PRKN: variants seen among roughly 807,000 people sequenced by gnomAD.
PRKN encodes the protein parkin RBR E3 ubiquitin protein ligase, also known as E3 ubiquitin-protein ligase parkin.
In PRKN, 56 loss-of-function variants were observed where a neutral mutation model predicts 59.5. The ratio of observed to expected loss-of-function variants is 0.94; its 90% CI spans 0.76 to 1.18. PRKN has a LOEUF of 1.18. PRKN is among the 50% of genes most tolerant of loss of function. The pLI is 0.00. For missense variants in PRKN, 657 were observed against 596.4 expected (o/e 1.10, Z -1.06); for synonymous variants, 250 against 222.1 (o/e 1.13, Z -1.12).
At position 161,588,577 on chromosome 6, in the gene PRKN, A is replaced by G. The variant is rs1248152570; in HGVS notation, c.872-19161T>C. On this transcript the variant is annotated intron_variant, in intron 7 of 11. Coordinates refer to ENST00000366898, the MANE Select transcript of PRKN (RefSeq NM_004562.3). This position sits in a 1 kb window ranked among gnomAD's most constrained non-coding sequence, Gnocchi z 5.0. ...AAGGGAAAGTGATGGCAATAAAAGT[A>G]AGGGCAAACTGGGAGGTGGGGCTGG... is the stretch of plus-strand genomic sequence containing the variant. Among the ~76,000 whole-genome samples, 1 of 152,058 alleles carries G rather than the reference A, an allele frequency of 6.6e-6. No individual in the cohort carries two copies. Among genetic ancestry groups the G allele is most frequent in the East Asian group, 1.9e-4 (1 of 5,170 alleles).
intron 7 of PRKN, among the ~76,000 whole-genome samples, chr6:161,628,423 CT>C (rs1481456788): frequency 6.6e-6 from 1 of 152,160 alleles, no homozygotes; most frequent in Non-Finnish European, 1.5e-5. Flanking sequence ...TCTGAGTTCC[CT>C]TTTATAAGAA....
intron 1 of PRKN, among the ~76,000 whole-genome samples, chr6:162,446,672 T>C (rs1175949890): frequency 6.6e-6 from 1 of 152,126 alleles, no homozygotes; most frequent in Non-Finnish European, 1.5e-5. Flanking sequence ...AACTAAAACA[T>C]TCGCATGAAT....
At chr6:162,571,603 A>T (rs1214339270) in intron 1 of PRKN, among the ~76,000 whole-genome samples, 1 of 152,144 alleles carries the variant, frequency 6.6e-6, no homozygotes. Context: ...TGACTTCCCC[A>T]CACGAGAAAA....
rs915204776 is a variant in PRKN at position 161,588,539 on chromosome 6, G to C, written c.872-19123C>G. Among the ~76,000 whole-genome samples the C allele has an allele frequency of 6.6e-6, 1 of 151,876 alleles. No homozygotes were observed. The highest frequency in any genetic ancestry group is 1.5e-5 in the Non-Finnish European group (1 of 67,996). ...TGTTGCTCTTGCTTTTTTTAATGAA[G>C]GGAAGACTGGAAAAGGGAAAGTGAT... On this transcript the variant is annotated intron_variant, in intron 7 of 11. Transcript: ENST00000366898. This position sits in a 1 kb window ranked among gnomAD's most constrained non-coding sequence, Gnocchi z 5.0.
intron 10 of PRKN, among the ~76,000 whole-genome samples, chr6:161,375,003 T>C (rs1785632208): frequency 6.6e-6 from 1 of 152,152 alleles, no homozygotes; most frequent in South Asian, 2.1e-4. Flanking sequence ...GGCAGGCATC[T>C]GGTGGAGGCT....
intron 1 of PRKN, among the ~76,000 whole-genome samples, chr6:162,532,144 G>T (rs1778540014): frequency 1.7e-5 from 1 of 57,776 alleles, no homozygotes; most frequent in South Asian, 6.2e-4. Context: ...TGTTTTTAAG[G>T]TATCTCCCCC....
At chr6:161,892,856 T>C (rs1583307829) in intron 6 of PRKN, among the ~76,000 whole-genome samples, 2 of 152,384 alleles carry the variant, frequency 1.3e-5, no homozygotes, top group East Asian at 3.9e-4. Flanking sequence ...ATTTAGTTGT[T>C]TTATGAGACG....
chr6:162,136,459 A>C (rs1173076181), intron 4 of PRKN, among the ~76,000 whole-genome samples: 1 of 152,216 alleles, frequency 6.6e-6, no homozygotes, highest in Non-Finnish European at 1.5e-5. Flanking sequence ...GGTGCAAATA[A>C]TACACTGCTA....
chr6:161,968,884 A>G (rs1032553634), intron 6 of PRKN, among the ~76,000 whole-genome samples: 1 of 152,232 alleles, frequency 6.6e-6, no homozygotes, highest in African/African-American at 2.4e-5. Flanking sequence ...TGAGAAAGCA[A>G]TTGCTGAAAC....
At chr6:161,465,169 T>G (rs752049086) in intron 9 of PRKN, among the ~76,000 whole-genome samples, 3 of 152,228 alleles carry the variant, frequency 2.0e-5, no homozygotes, top group Non-Finnish European at 2.9e-5. Flanking sequence ...ATGCAGGACC[T>G]GCTTTAGGCC....
intron 6 of PRKN, among the ~76,000 whole-genome samples, chr6:161,851,861 C>A (rs1041126940): frequency 6.6e-6 from 1 of 151,080 alleles, no homozygotes; most frequent in African/African-American, 2.4e-5. Context: ...CCGAGGCGGG[C>A]GGATCACCTG....
At position 161,401,996 on chromosome 6, in the gene PRKN, T is replaced by C. The variant is rs1562422827; in HGVS notation, c.1084-15119A>G. ...TTCCCAGCTTGGGGCTGGGTAATAATGGTGAGAGCATTTCCCACATTATCC... is the reference window on the plus strand; with the variant it reads ...TTCCCAGCTTGGGGCTGGGTAATAACGGTGAGAGCATTTCCCACATTATCC... On this transcript the variant is annotated intron_variant, in intron 9 of 11. Transcript: ENST00000366898. This position sits in a 1 kb window ranked among gnomAD's most constrained non-coding sequence, Gnocchi z 4.4. Among the ~76,000 whole-genome samples, 1 of 152,204 alleles carries C rather than the reference T, an allele frequency of 6.6e-6. No individual in the cohort carries two copies. The highest frequency in any genetic ancestry group is 1.5e-5 in the Non-Finnish European group (1 of 68,040).
rs755318378 is a variant in PRKN at position 161,503,599 on chromosome 6, C to T, written c.1083+45255G>A. 6.6e-6 allele frequency among the ~76,000 whole-genome samples: 1 copy of T among 152,132 alleles called. No individual in the cohort carries two copies. Among genetic ancestry groups the T allele is most frequent in the Non-Finnish European group, 1.5e-5 (1 of 68,006 alleles). ...GAGGTGAGGGACTGGACTGAGGGGG[C>T]TATGGGGGCGACCTAGTCTAGCTGG... On this transcript the variant is annotated intron_variant, in intron 9 of 11. Transcript: ENST00000366898. This position sits in a 1 kb window ranked among gnomAD's most constrained non-coding sequence, Gnocchi z 5.1.
intron 6 of PRKN, among the ~76,000 whole-genome samples, chr6:161,857,100 G>A (rs9355361): frequency 0.5 from 75,579 of 151,654 alleles, 19,073 homozygotes; most frequent in East Asian, 0.76. Context: ...ATGATGGTGG[G>A]TGCCTGTAAT....
At chr6:162,258,118 C>T (rs1253485750) in intron 3 of PRKN, among the ~76,000 whole-genome samples, 2 of 152,172 alleles carry the variant, frequency 1.3e-5, no homozygotes, top group East Asian at 1.9e-4. Flanking sequence ...CACAGTTTAG[C>T]TCATCACACA....
At chr6:161,995,269 A>G (rs1350222893) in intron 5 of PRKN, among the ~76,000 whole-genome samples, 2 of 152,174 alleles carry the variant, frequency 1.3e-5, no homozygotes, top group South Asian at 4.1e-4. Context: ...CTATATGCAA[A>G]AATCAAGGCA....
intron 6 of PRKN, among the ~76,000 whole-genome samples, chr6:161,860,398 A>G (rs908457965): frequency 2.6e-5 from 4 of 152,222 alleles, no homozygotes; most frequent in African/African-American, 9.6e-5. Context: ...ACTTGGTGAT[A>G]AAGGACTTGA....
At chr6:161,902,948 A>G (rs1316588723) in intron 6 of PRKN, among the ~76,000 whole-genome samples, 3 of 152,174 alleles carry the variant, frequency 2.0e-5, no homozygotes, top group Non-Finnish European at 4.4e-5. Flanking sequence ...GCTCTCAGAA[A>G]GTTGTGTGCT....
intron 6 of PRKN, among the ~76,000 whole-genome samples, chr6:161,919,725 A>G (rs1181393184): frequency 6.6e-6 from 1 of 152,244 alleles, no homozygotes; most frequent in Non-Finnish European, 1.5e-5. Context: ...GACATGCCAC[A>G]GAGCAAATGC....
Sources: allele counts gnomAD v4.1 joint callset (sites outside exome capture counted in the v4.1 genomes callset), GRCh38; gene constraint gnomAD v4.1.1; non-coding constraint Gnocchi (gnomAD v3.1); transcripts MANE v1.5; gene names NCBI Gene and HGNC (gene_info 2026-07-23, HGNC 2026-07-21).